Variants in NMNAT2 observed in about 807,000 individuals in gnomAD.
NMNAT2 encodes nicotinamide/nicotinic acid mononucleotide adenylyltransferase 2.
A neutral mutation model predicts 41.6 loss-of-function variants in NMNAT2; 11 were observed. The ratio of observed to expected loss-of-function variants is 0.26; its 90% CI spans 0.17 to 0.44. The LOEUF (loss-of-function observed/expected upper bound fraction) is 0.44, where lower values mean the gene tolerates loss of function less well. Among genes scored for constraint, NMNAT2 ranks in the 20% least tolerant of loss-of-function variants. NMNAT2 has a pLI of 1.00. For synonymous variants in NMNAT2, 148 were observed against 151.2 expected, an observed-to-expected ratio of 0.98 and a Z score of 0.16; for missense variants, 288 against 407.7, an observed-to-expected ratio of 0.71 and a Z score of 2.53.
intron 1 of NMNAT2, among the ~76,000 whole-genome samples, chr1:183,365,406 G>C (rs890293792): frequency 6.6e-6 from 1 of 152,076 alleles, no homozygotes; most frequent in African/African-American, 2.4e-5. Context: ...CCAATAGTTT[G>C]TGGTAACCAG....
intron 8 of NMNAT2, among the ~76,000 whole-genome samples, chr1:183,276,941 G>A (rs566182106): frequency 1.3e-5 from 2 of 152,274 alleles, no homozygotes; most frequent in South Asian, 4.1e-4. Context: ...CTTACTTCCC[G>A]GAAACTTTCC....
intron 1 of NMNAT2, among the ~76,000 whole-genome samples, chr1:183,314,246 A>G (rs1195420731): frequency 6.6e-6 from 1 of 152,200 alleles, no homozygotes. Flanking sequence ...AACCTGCTGC[A>G]TGCCCTTTTC....
intron 10 of NMNAT2, among the ~76,000 whole-genome samples, chr1:183,254,695 C>G (rs887179890): frequency 6.6e-6 from 1 of 152,210 alleles, no homozygotes; most frequent in Non-Finnish European, 1.5e-5. Context: ...CCTCAGCCTC[C>G]CAGCGTGCTG....
At chr1:183,315,188 G>A (rs529838123) in intron 1 of NMNAT2, among the ~76,000 whole-genome samples, 7 of 152,298 alleles carry the variant, frequency 4.6e-5, no homozygotes, top group Admixed American at 6.5e-5. Context: ...TTGGCCATCC[G>A]TCATGCTGTG....
At chr1:183,391,388 C>G (rs912144548) in intron 1 of NMNAT2, among the ~76,000 whole-genome samples, 3 of 152,176 alleles carry the variant, frequency 2.0e-5, no homozygotes, top group Non-Finnish European at 4.4e-5. Context: ...TCCATTTTGG[C>G]TTGACCCAAT....
intron 8 of NMNAT2, chr1:183,266,839 C>CA (rs954037642): frequency 2.7e-4 from 45 of 164,066 alleles, no homozygotes; most frequent in African/African-American, 7.9e-4. Context: ...GTTCTATTGT[C>CA]AAAAAAAATG....
intron 1 of NMNAT2, among the ~76,000 whole-genome samples, chr1:183,335,258 T>C (rs1662659679): frequency 6.6e-6 from 1 of 152,226 alleles, no homozygotes; most frequent in South Asian, 2.1e-4. Context: ...TCTACTCAGA[T>C]GTCCAAATTA....
chr1:183,321,175 G>A (rs1332749927), intron 1 of NMNAT2, among the ~76,000 whole-genome samples: 1 of 152,118 alleles, frequency 6.6e-6, no homozygotes, highest in African/African-American at 2.4e-5. Context: ...CCCACCAGAC[G>A]GAATCCTTTA....
intron 10 of NMNAT2, among the ~76,000 whole-genome samples, chr1:183,256,147 C>T (rs766766164): frequency 1.3e-4 from 20 of 151,988 alleles, no homozygotes; most frequent in African/African-American, 4.8e-4. Flanking sequence ...GTGGCTCACG[C>T]GTGTAATCCC....
At chr1:183,415,483 G>A (rs1354930093) in intron 1 of NMNAT2, among the ~76,000 whole-genome samples, 1 of 152,142 alleles carries the variant, frequency 6.6e-6, no homozygotes, top group Non-Finnish European at 1.5e-5. Flanking sequence ...CATGAAAATA[G>A]AGTGTTCATG....
chr1:183,268,077 G>A (rs138622177), intron 8 of NMNAT2, among the ~76,000 whole-genome samples: 56 of 152,254 alleles, frequency 3.7e-4, no homozygotes, highest in Admixed American at 2.7e-3. Context: ...ATAGGGATGG[G>A]GAGAGGATGT....
chr1:183,266,819 G>T (rs1214169942), intron 8 of NMNAT2: 2 of 180,332 alleles, frequency 1.1e-5, no homozygotes, highest in South Asian at 9.1e-5. Flanking sequence ...TCTTACCCAT[G>T]ACAAAATGCG....
chr1:183,355,791 T>A (rs1351763396), intron 1 of NMNAT2, among the ~76,000 whole-genome samples: 1 of 152,194 alleles, frequency 6.6e-6, no homozygotes, highest in Non-Finnish European at 1.5e-5. Flanking sequence ...CCTGTACAGG[T>A]CGTGTTGCTG....
At chr1:183,255,788 C>T (rs925743587) in intron 10 of NMNAT2, among the ~76,000 whole-genome samples, 4 of 151,850 alleles carry the variant, frequency 2.6e-5, no homozygotes, top group East Asian at 2.0e-4. Flanking sequence ...CTCGGCCTCC[C>T]GAGTAGCTCG....
chr1:183,373,798 A>T (rs1439788813), intron 1 of NMNAT2, among the ~76,000 whole-genome samples: 1 of 151,882 alleles, frequency 6.6e-6, no homozygotes. Context: ...TTGTATTTTT[A>T]GTAGAGATGA....
intron 8 of NMNAT2, among the ~76,000 whole-genome samples, chr1:183,265,818 G>A (rs1234451794): frequency 6.6e-6 from 1 of 152,204 alleles, no homozygotes; most frequent in Non-Finnish European, 1.5e-5. Flanking sequence ...TGGCAAAAGA[G>A]ACTCTGCAGA....
chr1:183,266,457 G>A (rs1193461250), intron 8 of NMNAT2: 1 of 152,220 alleles, frequency 6.6e-6, no homozygotes, highest in Non-Finnish European at 1.5e-5. Context: ...TCTCACCAGA[G>A]TTGCACTTTC....
intron 1 of NMNAT2, among the ~76,000 whole-genome samples, chr1:183,395,093 G>A (rs1434858282): frequency 6.6e-6 from 1 of 152,084 alleles, no homozygotes; most frequent in Non-Finnish European, 1.5e-5. Context: ...ACAGACACTG[G>A]CAACAACTGA....
chr1:183,322,511 C>T (rs1451949328), intron 1 of NMNAT2, among the ~76,000 whole-genome samples: 1 of 152,124 alleles, frequency 6.6e-6, no homozygotes, highest in Non-Finnish European at 1.5e-5. Context: ...AGATTATTCC[C>T]CACTCCTACT....
Sources: allele counts gnomAD v4.1 joint callset (sites outside exome capture counted in the v4.1 genomes callset), GRCh38; gene constraint gnomAD v4.1.1; transcripts MANE v1.5; gene names NCBI Gene and HGNC (gene_info 2026-07-23, HGNC 2026-07-21).